The following MARCHF1 variants were observed in gnomAD, a reference collection of about 807,000 sequenced individuals.
MARCHF1 encodes the protein E3 ubiquitin-protein ligase MARCHF1.
A neutral mutation model predicts 54.2 loss-of-function variants in MARCHF1; 40 were observed. The observed-to-expected ratio is 0.74, with a 90% CI of 0.57 to 0.96. The LOEUF (loss-of-function observed/expected upper bound fraction) is 0.96. MARCHF1 is among the 40% of genes least tolerant of loss of function. The pLI is 0.00. For synonymous variants in MARCHF1, 236 were observed against 236.3 expected (o/e 1.00, Z 0.01); for missense variants, 586 against 656.5 (o/e 0.89, Z 1.17).
At chr4:163,897,174 C>T (rs138611212) in intron 3 of MARCHF1, among the ~76,000 whole-genome samples, 2 of 152,160 alleles carry the variant, frequency 1.3e-5, no homozygotes, top group African/African-American at 4.8e-5. Context: ...TCTTTAATAT[C>T]AAGATCAAAC....
chr4:164,047,627 T>C (rs1015886692), intron 2 of MARCHF1, among the ~76,000 whole-genome samples: 1 of 152,184 alleles, frequency 6.6e-6, no homozygotes, highest in African/African-American at 2.4e-5. Flanking sequence ...ATTTTTTTGT[T>C]TTCTAAACAT....
chr4:163,933,092 T>C, intron 3 of MARCHF1: 2 of 1,452,214 alleles, frequency 1.4e-6, no homozygotes, highest in Non-Finnish European at 1.9e-6. Flanking sequence ...GCACGCTGGC[T>C]AAAACGGCTT....
intron 9 of MARCHF1, chr4:163,529,881 C>CT (rs899180658): frequency 7.9e-5 from 12 of 151,976 alleles, no homozygotes; most frequent in South Asian, 2.1e-4. Flanking sequence ...AAGTGGTCCT[C>CT]TTGCCCACAT....
At chr4:164,105,966 G>A (rs776179179) in intron 2 of MARCHF1, among the ~76,000 whole-genome samples, 6,431 of 147,010 alleles carry the variant, frequency 0.044, 184 homozygotes, top group Middle Eastern at 0.14. Flanking sequence ...GACATGAACA[G>A]ACACTTCTCA....
At chr4:163,846,014 G>A (rs1027572137) in intron 4 of MARCHF1, among the ~76,000 whole-genome samples, 2 of 151,982 alleles carry the variant, frequency 1.3e-5, no homozygotes, top group African/African-American at 2.4e-5. Flanking sequence ...AAAGCATCAC[G>A]TCTTTTGCTT....
intron 4 of MARCHF1, among the ~76,000 whole-genome samples, chr4:163,811,772 G>GTAAC (rs977127680): frequency 9.7e-4 from 147 of 152,152 alleles, no homozygotes; most frequent in African/African-American, 3.4e-3. Flanking sequence ...AGGCCCTGTG[G>GTAAC]GTTACATAGA....
chr4:164,046,410 C>A (rs1009995717), intron 2 of MARCHF1, among the ~76,000 whole-genome samples: 6 of 152,242 alleles, frequency 3.9e-5, no homozygotes, highest in Non-Finnish European at 5.9e-5. Flanking sequence ...TAGGTGCATA[C>A]TTCCAGCCTT....
At chr4:164,357,686 A>G (rs542031426) in intron 1 of MARCHF1, among the ~76,000 whole-genome samples, 58 of 152,306 alleles carry the variant, frequency 3.8e-4, no homozygotes, top group African/African-American at 1.4e-3. Context: ...GGTAGAAGAA[A>G]ATCAGAATCT....
intron 1 of MARCHF1, among the ~76,000 whole-genome samples, chr4:164,137,563 G>T (rs912485298): frequency 2.6e-5 from 4 of 152,038 alleles, no homozygotes; most frequent in African/African-American, 9.7e-5. Context: ...TATGGATTAG[G>T]TTTATTGGGT....
chr4:163,737,163 T>TTTTTTTTTTTTTTTTTTTTA (rs1561049751), intron 4 of MARCHF1, among the ~76,000 whole-genome samples: 1 of 91,380 alleles, frequency 1.1e-5, no homozygotes, highest in African/African-American at 4.2e-5. Context: ...CTTTTTTCTT[T>TTTTTTTTTTTTTTTTTTTTA]CTTTTTTTTT....
intron 5 of MARCHF1, among the ~76,000 whole-genome samples, chr4:163,662,255 C>T (rs996384527): frequency 6.6e-6 from 1 of 151,830 alleles, no homozygotes; most frequent in African/African-American, 2.4e-5. Flanking sequence ...GCTGTCTCAT[C>T]CTGGAACTCT....
intron 1 of MARCHF1, among the ~76,000 whole-genome samples, chr4:164,176,171 A>T (rs892541849): frequency 6.6e-6 from 1 of 152,176 alleles, no homozygotes; most frequent in African/African-American, 2.4e-5. Flanking sequence ...CATCTCACTT[A>T]CCTCAAACCT....
At chr4:163,603,800 A>G (rs904654888) in intron 7 of MARCHF1, among the ~76,000 whole-genome samples, 16 of 152,066 alleles carry the variant, frequency 1.1e-4, no homozygotes, top group Admixed American at 9.2e-4. Context: ...TCCATGGCCA[A>G]TCTTTCCACT....
intron 1 of MARCHF1, among the ~76,000 whole-genome samples, chr4:164,253,411 T>A (rs975231209): frequency 6.6e-6 from 1 of 152,170 alleles, no homozygotes; most frequent in South Asian, 2.1e-4. Flanking sequence ...TAAAATAAAG[T>A]AAGCTCAATG....
chr4:163,963,991 T>C (rs1259941316), intron 3 of MARCHF1, among the ~76,000 whole-genome samples: 1 of 151,948 alleles, frequency 6.6e-6, no homozygotes, highest in Admixed American at 6.6e-5. Context: ...GGAATACTAA[T>C]AAATTGTTGG....
intron 1 of MARCHF1, among the ~76,000 whole-genome samples, chr4:164,241,934 G>A (rs537488718): frequency 4.0e-4 from 61 of 152,324 alleles, no homozygotes; most frequent in Admixed American, 3.8e-3. Flanking sequence ...TTAAAAAACG[G>A]TGCACCACGA....
chr4:164,096,590 T>C (rs551289841), intron 2 of MARCHF1, among the ~76,000 whole-genome samples: 1 of 150,822 alleles, frequency 6.6e-6, no homozygotes, highest in African/African-American at 2.5e-5. Flanking sequence ...ATTTAAAAAG[T>C]GTGCCTCCAG....
chr4:163,737,558 A>G (rs1746082469), intron 4 of MARCHF1, among the ~76,000 whole-genome samples: 1 of 114,200 alleles, frequency 8.8e-6, no homozygotes, highest in Non-Finnish European at 2.2e-5. Context: ...ATCATTTTTT[A>G]TGGCTGCATA....
intron 1 of MARCHF1, among the ~76,000 whole-genome samples, chr4:164,272,958 A>G (rs1260813053): frequency 6.6e-6 from 1 of 152,076 alleles, no homozygotes; most frequent in African/African-American, 2.4e-5. Context: ...GCACGATTGT[A>G]CATACATGTT....
Sources: gnomAD v4.1 joint callset for allele counts (sites outside exome capture counted in the v4.1 genomes callset) on GRCh38, gnomAD v4.1.1 for gene constraint, MANE v1.5 for transcripts, NCBI Gene and HGNC (gene_info 2026-07-23, HGNC 2026-07-21) for gene names.